The following NTSR1 variants were observed in gnomAD, a reference collection of about 807,000 sequenced individuals.
The protein encoded by NTSR1 is neurotensin receptor type 1.
Under a neutral mutation model 31.2 loss-of-function variants are expected in NTSR1, and 29 were observed. The ratio of observed to expected loss-of-function variants is 0.93; its 90% CI spans 0.69 to 1.27. The LOEUF (loss-of-function observed/expected upper bound fraction) is 1.27, where lower values mean the gene tolerates loss of function less well. Ranked by LOEUF, NTSR1 falls within the 50% of genes most tolerant of loss-of-function variation. The pLI is 0.00. For synonymous variants in NTSR1, 282 were observed against 269.9 expected (o/e 1.04, Z -0.44); for missense variants, 697 against 595.4 (o/e 1.17, Z -1.78).
At chr20:62,738,339 C>T (rs535588452) in intron 1 of NTSR1, among the ~76,000 whole-genome samples, 148 of 152,372 alleles carry the variant, frequency 9.7e-4, no homozygotes, top group Non-Finnish European at 1.6e-3. Flanking sequence ...GCAAACTACT[C>T]CCTGCTCAGG....
chr20:62,737,864 A>G, intron 1 of NTSR1, among the ~76,000 whole-genome samples: 1 of 9,954 alleles, frequency 1.0e-4, no homozygotes, highest in Non-Finnish European at 2.2e-4. Flanking sequence ...GGTCCTCCCC[A>G]CCCCCCACAC....
chr20:62,727,804 G>T (rs912555879), intron 1 of NTSR1, among the ~76,000 whole-genome samples: 3 of 152,278 alleles, frequency 2.0e-5, no homozygotes, highest in Non-Finnish European at 4.4e-5. Context: ...GGCCACAGCC[G>T]AGGGCCAGAG....
chr20:62,759,624 A>G (rs570219121), intron 3 of NTSR1, among the ~76,000 whole-genome samples: 1 of 152,090 alleles, frequency 6.6e-6, no homozygotes, highest in South Asian at 2.1e-4. Flanking sequence ...AATACAAAAA[A>G]TTAGCCGGGC....
chr20:62,754,536 C>T (rs1600735975), intron 1 of NTSR1, 149 bp from the exon 2 acceptor site: 5 of 692,548 alleles, frequency 7.2e-6, no homozygotes, highest in South Asian at 3.4e-5. Flanking sequence ...TCCGGGCAGC[C>T]GGGATAGGGC....
At chr20:62,713,427 A>C (rs976219861) in intron 1 of NTSR1, among the ~76,000 whole-genome samples, 1 of 152,148 alleles carries the variant, frequency 6.6e-6, no homozygotes, top group African/African-American at 2.4e-5. Flanking sequence ...CAAACACCCC[A>C]GCCGTTCAGG....
At chr20:62,728,579 G>A (rs1988949817) in intron 1 of NTSR1, among the ~76,000 whole-genome samples, 1 of 152,248 alleles carries the variant, frequency 6.6e-6, no homozygotes, top group African/African-American at 2.4e-5. Flanking sequence ...GAGGCCGTTT[G>A]TGGTTTTCTC....
chr20:62,709,356 C>G lies in NTSR1; in HGVS notation c.149C>G (p.Pro50Arg), dbSNP rs746920388. 2.5e-6 allele frequency: 4 copies of G among 1,610,196 alleles called. No individual in the cohort carries two copies. The highest frequency in any genetic ancestry group is 3.4e-6 in the Non-Finnish European group (4 of 1,178,446). Residue 50 changes from proline to arginine, a missense_variant, in exon 1 of 4, where the codon CCC becomes CGC. Transcript: ENST00000370501. ...GCGTCGGAGCGCGTCCTGGCGGCAC[C>G]CAGCAGCGAGCTGGACGTGAACACC... ...GNASERVLAAPSSELDVNTDI... is the reference protein window; with the variant it reads ...GNASERVLAARSSELDVNTDI...
intron 2 of NTSR1, among the ~76,000 whole-genome samples, chr20:62,756,957 T>G (rs554072623): frequency 1.3e-5 from 2 of 152,360 alleles, no homozygotes; most frequent in East Asian, 3.9e-4. Context: ...CATGTTGAGT[T>G]TTAGGAGTTA....
intron 1 of NTSR1, among the ~76,000 whole-genome samples, chr20:62,723,023 C>T (rs1988848326): frequency 6.6e-6 from 1 of 152,168 alleles, no homozygotes; most frequent in African/African-American, 2.4e-5. Context: ...TACACTGAAG[C>T]TTATGAAAAA....
At position 62,711,713 on chromosome 20, in the gene NTSR1, C is replaced by T. The variant is rs1988618872; in HGVS notation, c.714+1792C>T. ...ACAGGGGCGTGAGGACAGCTCGGCT[C>T]CGCCCCCCGGAAAGTGTCCTCCCCG... On this transcript the variant is annotated intron_variant, in intron 1 of 3. Transcript: ENST00000370501. The surrounding 1 kb of genome is among the most constrained non-coding windows in gnomAD (Gnocchi z 6.4). Among the ~76,000 whole-genome samples the T allele has an allele frequency of 1.3e-5, 2 of 152,302 alleles. No homozygotes were observed. Among genetic ancestry groups the T allele is most frequent in the East Asian group, 3.9e-4 (2 of 5,180 alleles).
intron 1 of NTSR1, among the ~76,000 whole-genome samples, chr20:62,736,568 C>T (rs1989097167): frequency 6.6e-6 from 1 of 152,214 alleles, no homozygotes; most frequent in South Asian, 2.1e-4. Context: ...CGGGCCCAAA[C>T]CTCCAGCAGA....
intron 1 of NTSR1, among the ~76,000 whole-genome samples, chr20:62,730,854 G>A (rs1988990446): frequency 6.6e-6 from 1 of 152,132 alleles, no homozygotes; most frequent in Non-Finnish European, 1.5e-5. Context: ...CATTTTTCTT[G>A]TGCTTATTTT....
rs1235895791 is a variant in NTSR1, at chr20:62,709,750, C to T, written c.543C>T (p.Ser181=). 6.2e-7 allele frequency: 1 copy of T among 1,612,932 alleles called. No individual in the cohort carries two copies. The highest frequency in any genetic ancestry group is 2.2e-5 in the East Asian group (1 of 44,884). The change falls in exon 1 of 4, where the codon TCC becomes TCT. Residue 181 remains serine (S), a synonymous_variant. Transcript: ENST00000370501. ...CHPFKAKTLM[S]RSRTKKFISA... ...CCTTCAAGGCCAAGACCCTCATGTC[C>T]CGAAGCCGCACCAAGAAGTTCATCA...
chr20:62,728,106 C>CATG (rs11472693), intron 1 of NTSR1, among the ~76,000 whole-genome samples: 2 of 151,900 alleles, frequency 1.3e-5, no homozygotes, highest in African/African-American at 4.8e-5. Flanking sequence ...AAGGACGAGC[C>CATG]TTGTGGATGA....
At chr20:62,735,721 G>A (rs1358367190) in intron 1 of NTSR1, among the ~76,000 whole-genome samples, 2 of 152,180 alleles carry the variant, frequency 1.3e-5, no homozygotes, top group African/African-American at 4.8e-5. Flanking sequence ...CCGACACGGC[G>A]AGGTGAGCTC....
rs1989279713 is a variant in NTSR1 at position 62,745,265 on chromosome 20, G to A, written c.715-9420G>A. Among the ~76,000 whole-genome samples, 2 of 151,650 alleles carry A rather than the reference G, an allele frequency of 1.3e-5. No homozygotes were observed. The highest frequency in any genetic ancestry group is 2.1e-4 in the South Asian group (1 of 4,786). ...GGAAAGCAGAGACACAGAGAGACAT[G>A]GAGAGAGACACAGAGACAGAGAAAC... On this transcript the variant is annotated intron_variant, in intron 1 of 3. Coordinates refer to ENST00000370501, the MANE Select transcript of NTSR1 (RefSeq NM_002531.3). The surrounding 1 kb of genome is among the most constrained non-coding windows in gnomAD (Gnocchi z 4.1).
At chr20:62,748,862 C>T (rs535340467) in intron 1 of NTSR1, among the ~76,000 whole-genome samples, 1 of 152,162 alleles carries the variant, frequency 6.6e-6, no homozygotes, top group Non-Finnish European at 1.5e-5. Flanking sequence ...GAGACCTGAG[C>T]TAGCATGCTC....
chr20:62,754,552 C>T (rs757593830), intron 1 of NTSR1, 133 bp from the exon 2 acceptor site: 29 of 759,218 alleles, frequency 3.8e-5, no homozygotes, highest in Non-Finnish European at 6.4e-5. Flanking sequence ...AGGGCCGGAC[C>T]TCCTGAACTT....
At position 62,733,370 on chromosome 20, in the gene NTSR1, G is replaced by A. The variant is rs954046388; in HGVS notation, c.715-21315G>A. ...GAAGCACTTGGTTGAAGCTTGCTGC[G>A]CTCCTTTCCGGGAGCAAATGAGCAT... On this transcript the variant is annotated intron_variant, in intron 1 of 3. Transcript: ENST00000370501. This position sits in a 1 kb window ranked among gnomAD's most constrained non-coding sequence, Gnocchi z 5.2. 4.7e-4 allele frequency among the ~76,000 whole-genome samples: 71 copies of A among 152,328 alleles called. No individual in the cohort carries two copies. Among genetic ancestry groups the A allele is most frequent in the African/African-American group, 1.5e-3 (63 of 41,574 alleles).
Sources: gnomAD v4.1 joint callset for allele counts (sites outside exome capture counted in the v4.1 genomes callset) on GRCh38, gnomAD v4.1.1 for gene constraint, Gnocchi (gnomAD v3.1) non-coding constraint, MANE v1.5 for transcripts, NCBI Gene and HGNC (gene_info 2026-07-23, HGNC 2026-07-21) for gene names.